CDC73: variants seen among roughly 807,000 people sequenced by gnomAD.
CDC73 encodes the protein parafibromin.
In CDC73, 21 loss-of-function variants were observed where a neutral mutation model predicts 83.7. The observed-to-expected ratio is 0.25, with a 90% CI of 0.18 to 0.36. The LOEUF (loss-of-function observed/expected upper bound fraction) is 0.36, where lower values mean the gene tolerates loss of function less well. Ranked by LOEUF, CDC73 falls within the 10% of genes least tolerant of loss-of-function variation. The probability of loss-of-function intolerance (pLI) is 1.00; values close to 1 mark genes in which losing one functional copy is unlikely to be tolerated. For synonymous variants in CDC73, 224 were observed against 212.9 expected (o/e 1.05, Z -0.45); for missense variants, 342 against 653.3 (o/e 0.52, Z 5.19).
Position 193,187,086 on chromosome 1 carries a change from A to G in CDC73, c.973-16709A>G, listed in dbSNP as rs187302662. 1.8e-3 allele frequency among the ~76,000 whole-genome samples: 124 copies of G among 69,268 alleles called. 2 individuals are homozygous for G. The highest frequency in any genetic ancestry group is 3.1e-3 in the Non-Finnish European group (106 of 33,934). The allele number at this position is 69,268 out of a possible 152,430, so 45.4% of individuals were successfully genotyped here. A position where few individuals can be genotyped will look rare whatever the true frequency, so the allele number is the denominator to read the frequency against. ...CCTATGGTTTCTATTGAAACCATGTATCTTTGTAATTTAGATCCCCCCCCC... is the reference window on the plus strand; with the variant it reads ...CCTATGGTTTCTATTGAAACCATGTGTCTTTGTAATTTAGATCCCCCCCCC... On this transcript the variant is annotated intron_variant, in intron 10 of 16. Transcript: ENST00000367435.
At chr1:193,172,385 G>A (rs1490041409) in intron 10 of CDC73, among the ~76,000 whole-genome samples, 1 of 152,012 alleles carries the variant, frequency 6.6e-6, no homozygotes, top group Non-Finnish European at 1.5e-5. Context: ...GTTGATTGGT[G>A]AGAGACTGCT....
At chr1:193,212,139 A>G in intron 12 of CDC73, 39 bp downstream of exon 12, 1 of 1,482,310 alleles carries the variant, frequency 6.7e-7, no homozygotes, top group South Asian at 1.2e-5. Flanking sequence ...AACTTTAAAA[A>G]GTAAATGATT....
rs114312276 is a variant in CDC73, at chr1:193,133,231, G to A, written c.308-2160G>A. Among the ~76,000 whole-genome samples the A allele has an allele frequency of 2.1e-3, 326 of 152,102 alleles. 2 individuals are homozygous for A. The highest frequency in any genetic ancestry group is 7.6e-3 in the African/African-American group (315 of 41,444). On this transcript the variant is annotated intron_variant, in intron 3 of 16. Transcript: ENST00000367435. ...TATAGGACAGAGTTAGTCACTAAGC[G>A]TATTGCTTTGCCACTTTTTAAAAAC...
At chr1:193,157,899 T>C (rs1468664866) in intron 10 of CDC73, among the ~76,000 whole-genome samples, 1 of 151,832 alleles carries the variant, frequency 6.6e-6, no homozygotes, top group Non-Finnish European at 1.5e-5. Flanking sequence ...TTTTATTTTA[T>C]AATATATATA....
At chr1:193,225,580 A>AT (rs1224930757) in intron 13 of CDC73, among the ~76,000 whole-genome samples, 3 of 151,618 alleles carry the variant, frequency 2.0e-5, no homozygotes, top group Admixed American at 6.6e-5. Flanking sequence ...TTGTTTTTTG[A>AT]TTTTTTGACT....
intron 10 of CDC73, among the ~76,000 whole-genome samples, chr1:193,196,499 C>G (rs1301552809): frequency 6.6e-6 from 1 of 152,106 alleles, no homozygotes; most frequent in Non-Finnish European, 1.5e-5. Context: ...ATGAGTTTTT[C>G]TATTTCTGCA....
intron 3 of CDC73, among the ~76,000 whole-genome samples, chr1:193,134,062 A>C (rs994463423): frequency 3.9e-5 from 6 of 152,180 alleles, no homozygotes; most frequent in African/African-American, 1.4e-4. Context: ...GCAGTCTAAC[A>C]TTACAAATTT....
rs1308775305 is a variant in CDC73 at position 193,136,746 on chromosome 1, AATTTAGGGATACCATTT to A, written c.423+1162_423+1178del. On this transcript the variant is annotated intron_variant, in intron 5 of 16. Coordinates refer to ENST00000367435, the MANE Select transcript of CDC73 (RefSeq NM_024529.5). ...TGACCTGTGGTAAACAATGTGTATG[AATTTAGGGATACCATTT>A]ATTTGATCTCAAATTCCTGGCCTCA... is the stretch of plus-strand genomic sequence containing the variant. Among the ~76,000 whole-genome samples the A allele has an allele frequency of 6.6e-5, 10 of 152,220 alleles. No individual in the cohort carries two copies. In the East Asian group the frequency reaches 1.7e-3, roughly 27 times the overall value.
At chr1:193,128,451 GCTTGCCACCATGCCTGGCTAA>G (rs1047055199) in intron 2 of CDC73, among the ~76,000 whole-genome samples, 1 of 151,122 alleles carries the variant, frequency 6.6e-6, no homozygotes, top group Admixed American at 6.6e-5. Context: ...GACTGCAGGC[GCTTGCCACCATGCCTGGCTAA>G]CTTTTATATT....
chr1:193,210,951 G>A (rs1005538133), intron 11 of CDC73, among the ~76,000 whole-genome samples: 7 of 152,126 alleles, frequency 4.6e-5, no homozygotes, highest in African/African-American at 1.7e-4. Context: ...CTTCCAAAAT[G>A]GTTAAGCGTA....
intron 10 of CDC73, among the ~76,000 whole-genome samples, chr1:193,165,834 G>T (rs542710506): frequency 1.3e-5 from 2 of 152,332 alleles, no homozygotes; most frequent in African/African-American, 4.8e-5. Flanking sequence ...CATTTGGTCT[G>T]TAAGGAACAA....
At chr1:193,181,554 C>T (rs375789589) in intron 10 of CDC73, 3 of 1,584,844 alleles carry the variant, frequency 1.9e-6, no homozygotes, top group Non-Finnish European at 2.6e-6. Flanking sequence ...TTCTCCTCCA[C>T]TGAAGCATGT....
At chr1:193,149,981 C>T (rs932311650) in intron 8 of CDC73, among the ~76,000 whole-genome samples, 5 of 151,910 alleles carry the variant, frequency 3.3e-5, no homozygotes, top group Non-Finnish European at 5.9e-5. Context: ...AGTATTATGT[C>T]GTAAAGGTAC....
In CDC73 at chr1:193,125,207, G is replaced by A. The variant is rs2103114035; in HGVS notation, c.227G>A (p.Arg76Gln). The change falls in exon 2 of 17, where the codon CGA becomes CAA. Residue 76 changes from arginine to glutamine, a missense_variant. Arg to Gln is a conservative substitution (Grantham distance 43). Around this residue, in one of 3 missense-constraint regions of CDC73, gnomAD observed 99 missense variants for 174.5 expected, o/e 0.57. Coordinates refer to ENST00000367435, the MANE Select transcript of CDC73 (RefSeq NM_024529.5). ...CACCTTTCTCATCCTGTTTATGTCC[G>A]ACGTGCAGCTGTAAGTAGAATTCAT... Reference protein sequence around the residue: ...NVHLSHPVYVRRAATENIPVV... With the variant: ...NVHLSHPVYVQRAATENIPVV... 6.4e-7 allele frequency: 1 copy of A among 1,552,572 alleles called. No individual in the cohort carries two copies. Among genetic ancestry groups the A allele is most frequent in the Non-Finnish European group, 8.9e-7 (1 of 1,123,888 alleles).
At chr1:193,152,287 C>T in intron 9 of CDC73, 93 bp from the exon 10 acceptor site, 4 of 783,650 alleles carry the variant, frequency 5.1e-6, no homozygotes, top group Admixed American at 3.9e-5. Flanking sequence ...ATTGAACCAT[C>T]ACATTCAATG....
intron 9 of CDC73, 87 bp from the exon 10 acceptor site, chr1:193,152,293 C>A (rs995615441): frequency 2.0e-5 from 16 of 814,368 alleles, no homozygotes; most frequent in Non-Finnish European, 3.4e-5. Context: ...CCATCACATT[C>A]AATGTAGATT....
At chr1:193,158,088 A>G (rs1299430523) in intron 10 of CDC73, among the ~76,000 whole-genome samples, 2 of 151,012 alleles carry the variant, frequency 1.3e-5, no homozygotes, top group Non-Finnish European at 3.0e-5. Context: ...ATAATTTATT[A>G]TATTTATTAA....
rs1236988317 is a variant in CDC73, at chr1:193,168,530, CT to C, written c.972+16099del. On this transcript the variant is annotated intron_variant, in intron 10 of 16. Coordinates refer to ENST00000367435, the MANE Select transcript of CDC73 (RefSeq NM_024529.5). ...TTCTGTTGTCCATGTTTAACTCTGCCTTTTTTTTTTTTTGAGACAGAGTCTC... is the reference window on the plus strand; with the variant it reads ...TTCTGTTGTCCATGTTTAACTCTGCCTTTTTTTTTTTTGAGACAGAGTCTC... Among the ~76,000 whole-genome samples, 233 of 143,408 alleles carry C rather than the reference CT, an allele frequency of 1.6e-3. 1 individual carries two copies. The highest frequency in any genetic ancestry group is 2.2e-3 in the South Asian group (10 of 4,554). 94.1% of individuals were successfully genotyped at this position (143,408 alleles called of 152,430 possible). A position where few individuals can be genotyped will look rare whatever the true frequency, so the allele number is the denominator to read the frequency against.
chr1:193,137,161 A>C (rs760002576), intron 5 of CDC73, among the ~76,000 whole-genome samples: 1 of 152,240 alleles, frequency 6.6e-6, no homozygotes, highest in Admixed American at 6.5e-5. Context: ...TTATCTTTAA[A>C]ATCAGTAGTA....
Sources: gnomAD v4.1 joint callset for allele counts (sites outside exome capture counted in the v4.1 genomes callset) on GRCh38, gnomAD v4.1.1 for gene constraint, gnomAD v4.1.1 regional missense constraint, MANE v1.5 for transcripts, NCBI Gene and HGNC (gene_info 2026-07-23, HGNC 2026-07-21) for gene names.